The following ANKS1B variants were observed in gnomAD, a reference collection of about 807,000 sequenced individuals.
The protein encoded by ANKS1B is ankyrin repeat and sterile alpha motif domain containing 1B, also known as ankyrin repeat and sterile alpha motif domain-containing protein 1B.
In ANKS1B, 36 loss-of-function variants were observed where a neutral mutation model predicts 148.3. That is an observed-to-expected ratio of 0.24 (90% CI 0.19 to 0.32). The LOEUF (loss-of-function observed/expected upper bound fraction) is 0.32, where lower values mean the gene tolerates loss of function less well. ANKS1B is among the 10% of genes least tolerant of loss of function. ANKS1B has a pLI of 1.00. For missense variants in ANKS1B, 1,157 were observed against 1,542.6 expected, an observed-to-expected ratio of 0.75 and a Z score of 4.19; for synonymous variants, 542 against 560.8, an observed-to-expected ratio of 0.97 and a Z score of 0.47.
chr12:99,098,049 C>T (rs867279977), intron 15 of ANKS1B, among the ~76,000 whole-genome samples: 8 of 152,156 alleles, frequency 5.3e-5, no homozygotes, highest in Admixed American at 2.0e-4. Flanking sequence ...ATAACAATAA[C>T]GGCTATTCAT....
chr12:99,562,281 A>G (rs561329964), intron 9 of ANKS1B, among the ~76,000 whole-genome samples: 6 of 152,292 alleles, frequency 3.9e-5, no homozygotes, highest in South Asian at 2.1e-4. Context: ...TAAGGGCCCT[A>G]TGATTTTCAG....
At chr12:99,791,998 C>T (rs535708731) in intron 4 of ANKS1B, among the ~76,000 whole-genome samples, 13 of 151,428 alleles carry the variant, frequency 8.6e-5, no homozygotes, top group African/African-American at 3.2e-4. Flanking sequence ...AATTGACAAA[C>T]CTTTAGCCAG....
intron 8 of ANKS1B, among the ~76,000 whole-genome samples, chr12:99,690,688 C>CCTGTGGCT (rs1414387731): frequency 2.6e-5 from 4 of 152,220 alleles, no homozygotes; most frequent in African/African-American, 9.6e-5. Context: ...CAGCTCCACC[C>CCTGTGGCT]CTGTGGCTCT....
chr12:98,944,227 G>A (rs953023165), intron 17 of ANKS1B, among the ~76,000 whole-genome samples: 3 of 146,904 alleles, frequency 2.0e-5, no homozygotes, highest in African/African-American at 4.9e-5. Flanking sequence ...TTGAACCCGG[G>A]AGGCAGAGGT....
chr12:99,809,712 G>T (rs772257534), intron 3 of ANKS1B, among the ~76,000 whole-genome samples: 17 of 151,948 alleles, frequency 1.1e-4, no homozygotes, highest in Non-Finnish European at 8.8e-5. Flanking sequence ...AAAATGCATT[G>T]TAAACTTTAA....
chr12:99,005,059 T>C (rs2099935328), intron 17 of ANKS1B, among the ~76,000 whole-genome samples: 1 of 152,132 alleles, frequency 6.6e-6, no homozygotes, highest in Non-Finnish European at 1.5e-5. Context: ...CGGAGTAAAA[T>C]ATTCTGTTCT....
At chr12:99,624,942 G>A (rs1357384403) in intron 9 of ANKS1B, among the ~76,000 whole-genome samples, 5 of 151,892 alleles carry the variant, frequency 3.3e-5, no homozygotes, top group African/African-American at 1.2e-4. Flanking sequence ...AGAAACCTGC[G>A]CTCATATGTT....
intron 1 of ANKS1B, among the ~76,000 whole-genome samples, chr12:99,928,199 T>C (rs572253216): frequency 1.3e-5 from 2 of 152,134 alleles, no homozygotes; most frequent in African/African-American, 4.8e-5. Context: ...AATTCAGAGA[T>C]AAACACAATC....
chr12:99,065,995 G>C (rs2044186829), intron 16 of ANKS1B, among the ~76,000 whole-genome samples: 1 of 152,052 alleles, frequency 6.6e-6, no homozygotes, highest in South Asian at 2.1e-4. Context: ...GTTTCATTCA[G>C]AGGAGAAGAT....
intron 10 of ANKS1B, among the ~76,000 whole-genome samples, chr12:99,444,511 C>G (rs1172893439): frequency 6.6e-6 from 1 of 151,802 alleles, no homozygotes; most frequent in Non-Finnish European, 1.5e-5. Context: ...AAATCAACAA[C>G]ATGTGTAACA....
At chr12:99,238,400 C>CGG (rs946045727) in intron 14 of ANKS1B, among the ~76,000 whole-genome samples, 5 of 152,268 alleles carry the variant, frequency 3.3e-5, no homozygotes, top group South Asian at 4.1e-4. Flanking sequence ...ACAAAGCAGC[C>CGG]GGGAAGCTCC....
chr12:99,470,068 A>G (rs1369992759), intron 10 of ANKS1B, among the ~76,000 whole-genome samples: 1 of 151,890 alleles, frequency 6.6e-6, no homozygotes, highest in South Asian at 2.1e-4. Flanking sequence ...GCCGTGAGTT[A>G]TGATTATCCC....
chr12:98,766,032 A>C (rs1015447258), intron 25 of ANKS1B, among the ~76,000 whole-genome samples: 6 of 152,272 alleles, frequency 3.9e-5, no homozygotes, highest in African/African-American at 1.4e-4. Context: ...AAATACATGC[A>C]TAAATGCTGC....
chr12:99,739,601 C>T (rs1204080278), intron 8 of ANKS1B, among the ~76,000 whole-genome samples: 2 of 152,096 alleles, frequency 1.3e-5, no homozygotes, highest in African/African-American at 4.8e-5. Flanking sequence ...TTTCTAGCGG[C>T]CCATAATGTC....
At chr12:99,314,890 A>G (rs2154027762) in intron 12 of ANKS1B, among the ~76,000 whole-genome samples, 1 of 152,280 alleles carries the variant, frequency 6.6e-6, no homozygotes, top group South Asian at 2.1e-4. Context: ...ACCAAAAGCA[A>G]TTGCGACAAA....
chr12:98,981,604 G>A (rs1216319484), intron 17 of ANKS1B, among the ~76,000 whole-genome samples: 1 of 152,176 alleles, frequency 6.6e-6, no homozygotes, highest in African/African-American at 2.4e-5. Context: ...CCAAAGTGCT[G>A]GGATTACAGG....
At chr12:99,461,405 T>C (rs1351723916) in intron 10 of ANKS1B, among the ~76,000 whole-genome samples, 1 of 151,784 alleles carries the variant, frequency 6.6e-6, no homozygotes, top group Admixed American at 6.6e-5. Flanking sequence ...AAATACGAAC[T>C]GTTTCCTAAA....
At chr12:99,520,678 T>C (rs1371104530) in intron 9 of ANKS1B, among the ~76,000 whole-genome samples, 1 of 152,186 alleles carries the variant, frequency 6.6e-6, no homozygotes, top group Non-Finnish European at 1.5e-5. Flanking sequence ...ACCTCCTCTT[T>C]AAGGCCAATA....
At chr12:99,409,708 G>A (rs1207641218) in intron 11 of ANKS1B, among the ~76,000 whole-genome samples, 1 of 151,838 alleles carries the variant, frequency 6.6e-6, no homozygotes, top group Admixed American at 6.6e-5. Flanking sequence ...AACAGCAATG[G>A]GAGAAAAGAA....
Sources: allele counts gnomAD v4.1 joint callset (sites outside exome capture counted in the v4.1 genomes callset), GRCh38; gene constraint gnomAD v4.1.1; transcripts MANE v1.5; gene names NCBI Gene and HGNC (gene_info 2026-07-23, HGNC 2026-07-21).